The following ANO4 variants were observed in gnomAD, a reference collection of about 807,000 sequenced individuals.
ANO4 encodes anoctamin 4.
ANO4 carries 69 observed loss-of-function variants against 141.9 expected under a neutral mutation model. That is an observed-to-expected ratio of 0.49 (90% CI 0.40 to 0.59). ANO4 has a LOEUF of 0.59. ANO4 is among the 20% of genes least tolerant of loss of function. The probability of loss-of-function intolerance (pLI) is 0.00; values close to 1 mark genes in which losing one functional copy is unlikely to be tolerated. For synonymous variants in ANO4, 350 were observed against 394.3 expected, an observed-to-expected ratio of 0.89 and a Z score of 1.33; for missense variants, 894 against 1,162.2, an observed-to-expected ratio of 0.77 and a Z score of 3.36.
At chr12:100,759,747 C>G (rs2032775898) in intron 3 of ANO4, among the ~76,000 whole-genome samples, 1 of 152,152 alleles carries the variant, frequency 6.6e-6, no homozygotes, top group Non-Finnish European at 1.5e-5. Context: ...CCATTTTGAG[C>G]CCGTTTCCCC....
At chr12:100,742,409 A>T (rs548078091) in intron 3 of ANO4, among the ~76,000 whole-genome samples, 2 of 152,008 alleles carry the variant, frequency 1.3e-5, no homozygotes, top group Non-Finnish European at 2.9e-5. Flanking sequence ...CAGTTTTATT[A>T]CTCATTTATA....
intron 3 of ANO4, among the ~76,000 whole-genome samples, chr12:100,936,279 T>C (rs1192838561): frequency 7.2e-5 from 11 of 152,160 alleles, no homozygotes; most frequent in African/African-American, 2.7e-4. Flanking sequence ...CACCAATTAA[T>C]ATTCTAGGCT....
At chr12:100,806,130 CAG>C (rs978286221) in intron 1 of ANO4, among the ~76,000 whole-genome samples, 10 of 152,126 alleles carry the variant, frequency 6.6e-5, no homozygotes, top group Admixed American at 6.6e-4. Flanking sequence ...TTTGTATAAA[CAG>C]GGGCAGGTGG....
rs1361623209 is a variant in ANO4, at chr12:101,040,067, A to G, written c.1010A>G (p.Asp337Gly). 6.2e-7 allele frequency: 1 copy of G among 1,607,582 alleles called. No homozygotes were observed. Among genetic ancestry groups the G allele is most frequent in the Non-Finnish European group, 8.5e-7 (1 of 1,175,592 alleles). ...WGVWYKYQPL[D>G]LVRRYFGEKI... ...GTGTGGTATAAATACCAACCTTTGG[A>G]TCTTGTAAGGTGAGTTTTTAATCAG... The change falls in exon 11 of 28, where the codon GAT (aspartate) becomes GGT (glycine). Residue 337 changes from aspartate (D) to glycine (G), a missense_variant. Asp to Gly is a moderately conservative substitution (Grantham distance 94, BLOSUM62 -1). Around this residue, in one of 2 missense-constraint regions of ANO4, gnomAD observed 637 missense variants for 909.2 expected, o/e 0.70. Coordinates refer to ENST00000392977, the MANE Select transcript of ANO4 (RefSeq NM_001286615.2).
At chr12:100,805,016 G>T (rs559769196) in intron 1 of ANO4, among the ~76,000 whole-genome samples, 7 of 152,260 alleles carry the variant, frequency 4.6e-5, no homozygotes, top group African/African-American at 1.7e-4. Context: ...TTCATGTGAA[G>T]TCTTTGCCCA....
intron 16 of ANO4, among the ~76,000 whole-genome samples, chr12:101,084,588 T>G (rs1397640677): frequency 2.0e-5 from 3 of 152,092 alleles, no homozygotes; most frequent in Admixed American, 6.5e-5. Flanking sequence ...TATAGCAAAT[T>G]CAGACAGGCT....
intron 1 of ANO4, among the ~76,000 whole-genome samples, chr12:100,888,689 G>A (rs1249699802): frequency 1.3e-5 from 2 of 152,208 alleles, no homozygotes; most frequent in Non-Finnish European, 2.9e-5. Context: ...CACAGAACAG[G>A]TGGAGAATGG....
At chr12:100,971,779 C>T (rs978867365) in intron 6 of ANO4, among the ~76,000 whole-genome samples, 1 of 151,932 alleles carries the variant, frequency 6.6e-6, no homozygotes, top group East Asian at 1.9e-4. Flanking sequence ...ACTGACTAGT[C>T]TCTTCCAGAA....
At chr12:101,039,381 T>A (rs1364779900) in intron 10 of ANO4, among the ~76,000 whole-genome samples, 2 of 152,164 alleles carry the variant, frequency 1.3e-5, no homozygotes, top group Non-Finnish European at 2.9e-5. Context: ...GGCACATGCC[T>A]ATGGTCCCAG....
At chr12:100,976,078 G>T (rs565423257) in intron 7 of ANO4, among the ~76,000 whole-genome samples, 17 of 152,122 alleles carry the variant, frequency 1.1e-4, no homozygotes, top group African/African-American at 3.4e-4. Flanking sequence ...ATTTGATTCT[G>T]TTGTGATCAT....
intron 4 of ANO4, among the ~76,000 whole-genome samples, chr12:100,940,846 C>G (rs1342479655): frequency 2.6e-5 from 4 of 152,128 alleles, no homozygotes; most frequent in Admixed American, 6.5e-5. Flanking sequence ...ACTTGATGGT[C>G]TCTTTCAATG....
At chr12:100,891,539 G>A (rs768107289) in intron 1 of ANO4, among the ~76,000 whole-genome samples, 16 of 152,044 alleles carry the variant, frequency 1.1e-4, no homozygotes, top group Middle Eastern at 6.8e-3. Flanking sequence ...GTGGTATCTC[G>A]TTGTTTTAAT....
chr12:101,071,240 A>G (rs755544511), intron 14 of ANO4, among the ~76,000 whole-genome samples: 1 of 152,146 alleles, frequency 6.6e-6, no homozygotes, highest in African/African-American at 2.4e-5. Flanking sequence ...AGCACTGTTC[A>G]CAATAGCCAA....
chr12:100,921,928 G>A (rs1292450870), intron 2 of ANO4, among the ~76,000 whole-genome samples: 5 of 152,068 alleles, frequency 3.3e-5, no homozygotes, highest in Admixed American at 2.0e-4. Context: ...TAGAGGCTAT[G>A]TTATATTTTT....
intron 14 of ANO4, among the ~76,000 whole-genome samples, chr12:101,065,204 A>G (rs1272993298): frequency 6.6e-6 from 1 of 152,244 alleles, no homozygotes; most frequent in African/African-American, 2.4e-5. Context: ...GTTGGTAAGA[A>G]TCTTCTATGC....
At chr12:100,867,967 G>T (rs2038841999) in intron 1 of ANO4, among the ~76,000 whole-genome samples, 1 of 152,178 alleles carries the variant, frequency 6.6e-6, no homozygotes, top group Non-Finnish European at 1.5e-5. Context: ...ATATGGTACT[G>T]GGGAAATAAC....
intron 22 of ANO4, among the ~76,000 whole-genome samples, chr12:101,099,942 G>C (rs1228217638): frequency 6.6e-6 from 1 of 152,172 alleles, no homozygotes; most frequent in African/African-American, 2.4e-5. Flanking sequence ...ACGTATCTAA[G>C]ACCATGGGCT....
chr12:100,984,982 T>C (rs2044645814), intron 7 of ANO4, among the ~76,000 whole-genome samples: 1 of 152,176 alleles, frequency 6.6e-6, no homozygotes, highest in African/African-American at 2.4e-5. Flanking sequence ...ATTCAATTCA[T>C]AGTCATCGCA....
chr12:100,906,384 G>T (rs2040847313), intron 2 of ANO4, among the ~76,000 whole-genome samples: 3 of 152,098 alleles, frequency 2.0e-5, no homozygotes, highest in Admixed American at 2.0e-4. Context: ...AATAGAAGGA[G>T]GATCTGGAAG....
Sources: gnomAD v4.1 joint callset for allele counts (sites outside exome capture counted in the v4.1 genomes callset) on GRCh38, gnomAD v4.1.1 for gene constraint, gnomAD v4.1.1 regional missense constraint, MANE v1.5 for transcripts, NCBI Gene and HGNC (gene_info 2026-07-23, HGNC 2026-07-21) for gene names.